The following ARHGEF12 variants were observed in gnomAD, a reference collection of about 807,000 sequenced individuals.
ARHGEF12 encodes KMT2A/ARHGEF12 fusion protein.
Under a neutral mutation model 211.2 loss-of-function variants are expected in ARHGEF12, and 66 were observed. The observed-to-expected ratio is 0.31, with a 90% CI of 0.26 to 0.38. ARHGEF12 has a LOEUF of 0.38. ARHGEF12 is among the 10% of genes least tolerant of loss of function. The pLI is 1.00. For synonymous variants in ARHGEF12, 592 were observed against 638.4 expected, an observed-to-expected ratio of 0.93 and a Z score of 1.09; for missense variants, 1,429 against 1,869.5, an observed-to-expected ratio of 0.76 and a Z score of 4.34.
chr11:120,445,375 C>G, intron 15 of ARHGEF12, 47 bp from the exon 16 acceptor site: 1 of 1,602,196 alleles, frequency 6.2e-7, no homozygotes, highest in African/African-American at 1.3e-5. Context: ...TGTACATCTT[C>G]AAATATCTTT....
chr11:120,339,005 C>CTTTTTTTTTTTTTTTTTT (rs906260027), intron 1 of ARHGEF12, among the ~76,000 whole-genome samples: 21 of 121,964 alleles, frequency 1.7e-4, no homozygotes, highest in African/African-American at 2.5e-4. Context: ...TTTTCTTTTT[C>CTTTTTTTTTTTTTTTTTT]TTTTTTTTTT....
In ARHGEF12 at chr11:120,489,234, G is replaced by C. The variant is rs1947475370; in HGVS notation, c.*4157G>C. The C allele has an allele frequency of 4.4e-6, 1 of 228,618 alleles. No individual in the cohort carries two copies. Among genetic ancestry groups the C allele is most frequent in the East Asian group, 6.3e-5 (1 of 15,906 alleles). The allele number at this position is 228,618 out of a possible 1,614,324, so 14.2% of individuals were successfully genotyped here. ...TGGGCTTGCCCTAGCATGTGGGGCA[G>C]GTTTGTTGTTTTTTTAATAGCTTTA... On this transcript the variant is annotated 3_prime_UTR_variant, in exon 41 of 41. Coordinates refer to ENST00000397843, the MANE Select transcript of ARHGEF12 (RefSeq NM_015313.3).
chr11:120,449,667 C>T (rs918991430), intron 21 of ARHGEF12: 1 of 150,978 alleles, frequency 6.6e-6, no homozygotes, highest in African/African-American at 2.5e-5. Flanking sequence ...CCACTGCACT[C>T]AAGCCTGGGT....
At chr11:120,475,681 T>G (rs569614100) in intron 33 of ARHGEF12, among the ~76,000 whole-genome samples, 174 bp downstream of exon 33, 1 of 150,936 alleles carries the variant, frequency 6.6e-6, no homozygotes, top group Non-Finnish European at 1.5e-5. Flanking sequence ...TACCCCAAAG[T>G]TATTAGGGTG....
intron 1 of ARHGEF12, among the ~76,000 whole-genome samples, chr11:120,360,044 T>A (rs1408960941): frequency 1.3e-5 from 2 of 152,154 alleles, no homozygotes; most frequent in Non-Finnish European, 2.9e-5. Context: ...GAAGGTTTCT[T>A]GGAGGAAGGT....
chr11:120,359,105 T>C (rs955029628), intron 1 of ARHGEF12, among the ~76,000 whole-genome samples: 3 of 152,130 alleles, frequency 2.0e-5, no homozygotes, highest in Admixed American at 6.5e-5. Flanking sequence ...CCATTATAAC[T>C]TTTGTGAGCT....
intron 1 of ARHGEF12, among the ~76,000 whole-genome samples, chr11:120,378,276 A>G (rs570542496): frequency 3.8e-4 from 58 of 152,188 alleles, no homozygotes; most frequent in Non-Finnish European, 4.4e-4. Context: ...AATGATATTG[A>G]GGACTTTTCA....
chr11:120,419,655 A>G (rs2135662169), intron 4 of ARHGEF12, among the ~76,000 whole-genome samples: 1 of 151,850 alleles, frequency 6.6e-6, no homozygotes, highest in South Asian at 2.1e-4. Flanking sequence ...TGTTATATGT[A>G]TATGTTTTCT....
At chr11:120,474,236 A>C (rs1946960057) in intron 31 of ARHGEF12, among the ~76,000 whole-genome samples, 1 of 152,196 alleles carries the variant, frequency 6.6e-6, no homozygotes, top group Admixed American at 6.5e-5. Context: ...TAGGAAAATT[A>C]AAGGATACGT....
intron 16 of ARHGEF12, among the ~76,000 whole-genome samples, chr11:120,446,161 G>C (rs1405604096): frequency 1.3e-5 from 2 of 149,572 alleles, no homozygotes; most frequent in Non-Finnish European, 3.0e-5. Flanking sequence ...TCGCGCCACT[G>C]CACTCCAGCC....
intron 14 of ARHGEF12, 107 bp downstream of exon 14, chr11:120,441,924 G>T (rs1005227730): frequency 7.6e-6 from 8 of 1,048,702 alleles, no homozygotes; most frequent in Non-Finnish European, 1.1e-5. Flanking sequence ...TCAGTTTTCC[G>T]TATAAAGACA....
chr11:120,343,697 G>A (rs1942606161), intron 1 of ARHGEF12, among the ~76,000 whole-genome samples: 1 of 152,144 alleles, frequency 6.6e-6, no homozygotes, highest in African/African-American at 2.4e-5. Context: ...ATGAAAAGTA[G>A]GTTTCCTGTC....
intron 30 of ARHGEF12, among the ~76,000 whole-genome samples, chr11:120,470,056 C>A (rs1304336519): frequency 1.3e-5 from 2 of 152,096 alleles, no homozygotes; most frequent in Admixed American, 1.3e-4. Context: ...GCCTAAAAAG[C>A]AAAGTCAGAG....
At chr11:120,476,976 G>A (rs1947050339) in intron 34 of ARHGEF12, 1 of 584,742 alleles carries the variant, frequency 1.7e-6, no homozygotes, top group Admixed American at 3.4e-5. Flanking sequence ...AAAATGTCAA[G>A]TGAAGTTTTT....
intron 33 of ARHGEF12, 87 bp downstream of exon 33, chr11:120,475,594 G>T (rs1947005137): frequency 8.2e-6 from 11 of 1,344,268 alleles, no homozygotes; most frequent in African/African-American, 5.9e-5. Context: ...AACACAAGTG[G>T]CATAGAGTCT....
At chr11:120,429,636 T>C (rs933178061) in intron 9 of ARHGEF12, 76 bp from the exon 10 acceptor site, 22 of 1,561,652 alleles carry the variant, frequency 1.4e-5, no homozygotes, top group East Asian at 2.3e-5. Flanking sequence ...AGTTATATTA[T>C]TGATTAAGAA....
chr11:120,449,054 C>A (rs981675424), intron 20 of ARHGEF12, 55 bp from the exon 21 acceptor site: 4 of 1,473,760 alleles, frequency 2.7e-6, no homozygotes, highest in African/African-American at 1.4e-5. Context: ...CTATGAAAAT[C>A]GCAAAAGAAA....
chr11:120,466,446 C>T (rs1946708454), intron 28 of ARHGEF12, among the ~76,000 whole-genome samples: 1 of 152,208 alleles, frequency 6.6e-6, no homozygotes, highest in Non-Finnish European at 1.5e-5. Context: ...AAAGGCTCCT[C>T]TAATGAAATC....
At chr11:120,448,417 C>G (rs903360453) in intron 20 of ARHGEF12, 69 bp downstream of exon 20, 1 of 1,145,860 alleles carries the variant, frequency 8.7e-7, no homozygotes, top group Non-Finnish European at 1.3e-6. Flanking sequence ...GCAGTGTCTT[C>G]CATCATCTTA....
Sources: allele counts gnomAD v4.1 joint callset (sites outside exome capture counted in the v4.1 genomes callset), GRCh38; gene constraint gnomAD v4.1.1; transcripts MANE v1.5; gene names NCBI Gene and HGNC (gene_info 2026-07-23, HGNC 2026-07-21).